EYA2: variants seen among roughly 807,000 people sequenced by gnomAD.
EYA2 encodes EYA transcriptional coactivator and phosphatase 2.
Under a neutral mutation model 69.2 loss-of-function variants are expected in EYA2, and 31 were observed. That is an observed-to-expected ratio of 0.45 (90% CI 0.34 to 0.60). The LOEUF (loss-of-function observed/expected upper bound fraction) is 0.60. EYA2 is among the 20% of genes least tolerant of loss of function. The pLI is 0.02. For missense variants in EYA2, 622 were observed against 701.2 expected (o/e 0.89, Z 1.28); for synonymous variants, 257 against 279.4 (o/e 0.92, Z 0.80).
chr20:47,069,761 A>G (rs1158154403), intron 5 of EYA2, among the ~76,000 whole-genome samples: 2 of 152,148 alleles, frequency 1.3e-5, no homozygotes, highest in African/African-American at 4.8e-5. Context: ...ATTTTAAAAA[A>G]TAATAAAATC....
chr20:47,006,441 T>G (rs903582634), intron 4 of EYA2, among the ~76,000 whole-genome samples: 1 of 152,228 alleles, frequency 6.6e-6, no homozygotes, highest in African/African-American at 2.4e-5. Context: ...GGCAGGGACC[T>G]GCCTGCCTGA....
intron 4 of EYA2, among the ~76,000 whole-genome samples, chr20:47,013,545 G>C (rs1983210968): frequency 6.6e-6 from 1 of 152,220 alleles, no homozygotes; most frequent in Admixed American, 6.5e-5. Context: ...GATTGTGATA[G>C]TAAAAACTGG....
intron 1 of EYA2, among the ~76,000 whole-genome samples, chr20:46,918,883 A>G (rs1985049520): frequency 6.6e-6 from 1 of 152,228 alleles, no homozygotes; most frequent in Non-Finnish European, 1.5e-5. Flanking sequence ...TTGAAAGTCA[A>G]AATTACTCCT....
chr20:46,996,548 C>T (rs962792286), intron 2 of EYA2, among the ~76,000 whole-genome samples: 3 of 152,168 alleles, frequency 2.0e-5, no homozygotes, highest in African/African-American at 7.2e-5. Flanking sequence ...TCCATTGCTT[C>T]CTTTGCACCT....
Position 46,971,742 on chromosome 20 carries a change from T to C in EYA2, c.-10-18259T>C, listed in dbSNP as rs370183009. Among the ~76,000 whole-genome samples the C allele has an allele frequency of 1.7e-4, 26 of 152,332 alleles. No homozygotes were observed. In the East Asian group the frequency reaches 1.7e-3, roughly 10 times the overall value. ...TGCTCTGACTGTTTTACCATTAGCA[T>C]GTGTATTTTCTCTTTTGTAAAGAGA... is the stretch of plus-strand genomic sequence containing the variant. On this transcript the variant is annotated intron_variant, in intron 1 of 15. Transcript: ENST00000327619.
intron 15 of EYA2, 130 bp downstream of exon 15, chr20:47,183,521 T>C: frequency 1.4e-6 from 1 of 701,794 alleles, no homozygotes; most frequent in South Asian, 1.9e-5. Flanking sequence ...GCTCCTTGCT[T>C]GCCAGTCCAT....
intron 9 of EYA2, among the ~76,000 whole-genome samples, chr20:47,116,818 G>T (rs1341054701): frequency 1.3e-5 from 2 of 152,160 alleles, no homozygotes; most frequent in Admixed American, 1.3e-4. Context: ...AAGACATCGA[G>T]GATGTATGAA....
intron 1 of EYA2, among the ~76,000 whole-genome samples, chr20:46,938,951 C>G (rs1233279426): frequency 6.6e-6 from 1 of 152,202 alleles, no homozygotes; most frequent in Non-Finnish European, 1.5e-5. Flanking sequence ...CTAACATTCA[C>G]TCTGTATTCA....
chr20:47,176,205 G>A (rs1018766925), intron 12 of EYA2, among the ~76,000 whole-genome samples: 1 of 149,950 alleles, frequency 6.7e-6, no homozygotes. Flanking sequence ...TCAGCCTCCC[G>A]AGTAGCTGGG....
chr20:47,144,991 T>G lies in EYA2; in HGVS notation c.978+1843T>G, dbSNP rs142745499. Among the ~76,000 whole-genome samples the G allele has an allele frequency of 4.1e-3, 619 of 152,148 alleles. 20 individuals carry two copies. In the East Asian group the frequency reaches 0.074, roughly 18 times the overall value. On this transcript the variant is annotated intron_variant, in intron 10 of 15. Coordinates refer to ENST00000327619, the MANE Select transcript of EYA2 (RefSeq NM_005244.5). ...AAACCCAACTCGTTTTAACCAAAAG[T>G]GGAAATTATTGGCCCTTGTAGTTGA...
intron 1 of EYA2, among the ~76,000 whole-genome samples, chr20:46,924,974 G>A (rs1041906860): frequency 4.6e-5 from 7 of 152,162 alleles, no homozygotes; most frequent in African/African-American, 7.2e-5. Context: ...TAGCAGAGCC[G>A]TTCTCCCTGA....
At chr20:47,072,380 T>C in intron 6 of EYA2, 128 bp downstream of exon 6, 1 of 876,310 alleles carries the variant, frequency 1.1e-6, no homozygotes. Flanking sequence ...TCCCTGGGTT[T>C]GGAGACTACA....
intron 5 of EYA2, among the ~76,000 whole-genome samples, chr20:47,061,534 GAAA>G (rs200501954): frequency 6.8e-6 from 1 of 146,482 alleles, no homozygotes; most frequent in Admixed American, 6.8e-5. Flanking sequence ...TGTCTCAACT[GAAA>G]AAAAAAAATC....
At position 46,947,288 on chromosome 20, in the gene EYA2, GT is replaced by G. The variant is rs78457445; in HGVS notation, c.-10-42700del. Among the ~76,000 whole-genome samples the G allele has an allele frequency of 4.7e-3, 684 of 145,252 alleles. 4 individuals carry two copies. Among genetic ancestry groups the G allele is most frequent in the African/African-American group, 0.014 (571 of 39,774 alleles). ...TTAGATGTTATTCTCTGGAATCTAA[GT>G]TTTTTTTTTTTTCCAAAGTTCCAGA... On this transcript the variant is annotated intron_variant, in intron 1 of 15. Transcript: ENST00000327619.
intron 9 of EYA2, among the ~76,000 whole-genome samples, chr20:47,108,988 C>G (rs1158875419): frequency 6.6e-6 from 1 of 152,124 alleles, no homozygotes; most frequent in East Asian, 1.9e-4. Flanking sequence ...TGGTCTTTCT[C>G]AGTTTACCGT....
rs3085766 is a variant in EYA2 at position 46,898,394 on chromosome 20, A to AACACACACACACACACAC, written c.-11+3420_-11+3437dup. The stretch of plus-strand genomic sequence containing the variant: ...AAGAAAACACAGCCTGTTGACAGAA[A>AACACACACACACACACAC]ACACACACACACACACACACACACA... On this transcript the variant is annotated intron_variant, in intron 1 of 15. Coordinates refer to ENST00000327619, the MANE Select transcript of EYA2 (RefSeq NM_005244.5). Among the ~76,000 whole-genome samples, 195 of 146,560 alleles carry AACACACACACACACACAC rather than the reference A, an allele frequency of 1.3e-3. 1 individual carries two copies. The highest frequency in any genetic ancestry group is 0.011 in the Middle Eastern group (3 of 282).
intron 9 of EYA2, among the ~76,000 whole-genome samples, chr20:47,127,575 A>T (rs1156389664): frequency 2.0e-5 from 3 of 152,200 alleles, no homozygotes; most frequent in Non-Finnish European, 4.4e-5. Flanking sequence ...AAGAAAAGAA[A>T]ATATGTATGA....
rs35187186 is a variant in EYA2, at chr20:47,063,392, C to CGTGTGTGTGTGTGTGTGT, written c.416-8772_416-8755dup. Among the ~76,000 whole-genome samples, 470 of 143,474 alleles carry CGTGTGTGTGTGTGTGTGT rather than the reference C, an allele frequency of 3.3e-3. 2 individuals are homozygous for CGTGTGTGTGTGTGTGTGT. The highest frequency in any genetic ancestry group is 0.011 in the East Asian group (52 of 4,818). 94.1% of individuals were successfully genotyped at this position (143,474 alleles called of 152,430 possible). On this transcript the variant is annotated intron_variant, in intron 5 of 15. Coordinates refer to ENST00000327619, the MANE Select transcript of EYA2 (RefSeq NM_005244.5). ...GTTTATTTGTGTGTGTGTGCGTGTGCGTGTGTGTGTGTGTGTGTGTGTGTG... is the reference window on the plus strand; with the variant it reads ...GTTTATTTGTGTGTGTGTGCGTGTGCGTGTGTGTGTGTGTGTGTGTGTGTGTGTGTGTGTGTGTGTGTG...
At chr20:46,966,824 A>AC (rs1410910950) in intron 1 of EYA2, among the ~76,000 whole-genome samples, 3 of 129,400 alleles carry the variant, frequency 2.3e-5, no homozygotes, top group Non-Finnish European at 5.6e-5. Flanking sequence ...CAAAAAAAAA[A>AC]ACTGTGAAAC....
Sources: gnomAD v4.1 joint callset for allele counts (sites outside exome capture counted in the v4.1 genomes callset) on GRCh38, gnomAD v4.1.1 for gene constraint, MANE v1.5 for transcripts, NCBI Gene and HGNC (gene_info 2026-07-23, HGNC 2026-07-21) for gene names.